DEPDC5: variants seen among roughly 807,000 people sequenced by gnomAD.
The protein encoded by DEPDC5 is DEP domain containing 5, GATOR1 subcomplex subunit.
In DEPDC5, 73 loss-of-function variants were observed where a neutral mutation model predicts 217.3. The observed-to-expected ratio is 0.34, with a 90% CI of 0.28 to 0.41. The LOEUF is 0.41. Among genes scored for constraint, DEPDC5 ranks in the 10% least tolerant of loss-of-function variants. The pLI is 1.00. For synonymous variants in DEPDC5, 733 were observed against 756.7 expected, an observed-to-expected ratio of 0.97 and a Z score of 0.51; for missense variants, 1,675 against 2,070.1, an observed-to-expected ratio of 0.81 and a Z score of 3.70.
chr22:31,861,073 C>CT (rs2092491290), intron 32 of DEPDC5, among the ~76,000 whole-genome samples: 1 of 151,912 alleles, frequency 6.6e-6, no homozygotes, highest in Non-Finnish European at 1.5e-5. Flanking sequence ...AACCTGGGTG[C>CT]TTTCTCCCAC....
At chr22:31,886,894 C>A (rs757865181) in intron 38 of DEPDC5, among the ~76,000 whole-genome samples, 7 of 149,078 alleles carry the variant, frequency 4.7e-5, no homozygotes, top group African/African-American at 7.4e-5. Context: ...CATGGTGAAA[C>A]CCTATCTCTA....
chr22:31,886,093 C>G (rs1312988903), intron 38 of DEPDC5, among the ~76,000 whole-genome samples: 2 of 152,040 alleles, frequency 1.3e-5, no homozygotes, highest in Non-Finnish European at 2.9e-5. Context: ...TTACTCCTAG[C>G]TCACTACAAC....
intron 8 of DEPDC5, among the ~76,000 whole-genome samples, chr22:31,781,226 C>CAA (rs1255012724): frequency 8.0e-6 from 1 of 125,374 alleles, no homozygotes; most frequent in Non-Finnish European, 1.7e-5. Flanking sequence ...CAAAAACAAA[C>CAA]AAACAAACAA....
At chr22:31,883,565 A>G (rs1483217037) in intron 38 of DEPDC5, among the ~76,000 whole-genome samples, 3 of 152,188 alleles carry the variant, frequency 2.0e-5, no homozygotes, top group African/African-American at 7.2e-5. Flanking sequence ...ACAGAGCAGA[A>G]AATCTTCATT....
At chr22:31,845,366 C>A in intron 30 of DEPDC5, 129 bp downstream of exon 30, 8 of 1,245,520 alleles carry the variant, frequency 6.4e-6, no homozygotes, top group Non-Finnish European at 9.0e-6. Flanking sequence ...ACCTTAAATC[C>A]AAAACAGTGT....
In DEPDC5 at chr22:31,788,539, A is replaced by T. The variant is rs553709989; in HGVS notation, c.625-3494A>T. ...GTGATCTTCCCACCTTGGCCTCCCA[A>T]TGTGCTGAGATTACAGACGTGAGCT... On this transcript the variant is annotated intron_variant, in intron 10 of 42. Transcript: ENST00000651528. Among the ~76,000 whole-genome samples, 8 of 151,684 alleles carry T rather than the reference A, an allele frequency of 5.3e-5. No homozygotes were observed. The East Asian group carries it at 1.6e-3, about 29-fold the overall frequency.
intron 31 of DEPDC5, among the ~76,000 whole-genome samples, chr22:31,856,524 G>A (rs2092309639): frequency 6.6e-6 from 1 of 152,120 alleles, no homozygotes. Flanking sequence ...ATAAAGTGTA[G>A]TTAATTTTAG....
At chr22:31,759,676 C>CCT (rs1880828975) in intron 3 of DEPDC5, among the ~76,000 whole-genome samples, 1 of 94,964 alleles carries the variant, frequency 1.1e-5, no homozygotes. Flanking sequence ...CGCGCCCAGC[C>CCT]TTTTTTTTTT....
Position 31,754,888 on chromosome 22 carries a change from A to C in DEPDC5, c.-34A>C, listed in dbSNP as rs765660840. 3 of 1,613,528 alleles carry C rather than the reference A, an allele frequency of 1.9e-6. No individual in the cohort carries two copies. The highest frequency in any genetic ancestry group is 2.5e-6 in the Non-Finnish European group (3 of 1,179,682). On this transcript the variant is annotated 5_prime_UTR_variant, in exon 2 of 43. Transcript: ENST00000651528. ...GAGGCAAGATGACTTCTCTGCCCCA[A>C]GCTTGGAACAGCTAAAGGGAAAAAC...
intron 40 of DEPDC5, among the ~76,000 whole-genome samples, chr22:31,898,525 A>G (rs2093592918): frequency 6.6e-6 from 1 of 152,216 alleles, no homozygotes; most frequent in Non-Finnish European, 1.5e-5. Context: ...AGAACTGTGA[A>G]GGAAACAACA....
intron 22 of DEPDC5, among the ~76,000 whole-genome samples, chr22:31,820,977 C>T (rs1341228035): frequency 3.3e-5 from 5 of 152,216 alleles, no homozygotes; most frequent in Admixed American, 6.5e-5. Flanking sequence ...TTCCTTCAAT[C>T]GCTGTTAACT....
intron 38 of DEPDC5, chr22:31,891,426 A>G: frequency 3.9e-6 from 1 of 259,722 alleles, no homozygotes; most frequent in Non-Finnish European, 7.5e-6. Flanking sequence ...CTGCTCTCAT[A>G]TTCATCTTGC....
chr22:31,837,184 T>C, intron 26 of DEPDC5, 29 bp downstream of exon 26: 1 of 1,612,814 alleles, frequency 6.2e-7, no homozygotes, highest in Non-Finnish European at 8.5e-7. Flanking sequence ...GGCACTTGGC[T>C]TGGTTGGTGA....
At position 31,804,856 on chromosome 22, in the gene DEPDC5, T is replaced by C; in HGVS notation, c.1158T>C (p.Ser386=). The C allele has an allele frequency of 6.2e-7, 1 of 1,613,988 alleles. No individual in the cohort carries two copies. The highest frequency in any genetic ancestry group is 8.5e-7 in the Non-Finnish European group (1 of 1,179,882). ...TCTCCTTGCAGCTCCATAATCGGAG[T>C]GCTCCCCGTGATTCTCGTCTGGGCG... ...AVPLFKLHNR[S]APRDSRLGDD... is the part of the protein sequence containing the mutation. The change falls in exon 17 of 43, where the codon AGT becomes AGC. Residue 386 remains serine (S), a synonymous_variant. Coordinates refer to ENST00000651528, the MANE Select transcript of DEPDC5 (RefSeq NM_001242896.3).
Position 31,833,997 on chromosome 22 carries a change from G to C in DEPDC5, c.2170+17G>C, listed in dbSNP as rs1397263092. 6.2e-7 allele frequency: 1 copy of C among 1,612,974 alleles called. No homozygotes were observed. On this transcript the variant is annotated intron_variant, in intron 25 of 42. Coordinates refer to ENST00000651528, the MANE Select transcript of DEPDC5 (RefSeq NM_001242896.3). Reference sequence around the variant, plus strand: ...CAGACCCAAGTAAGAGGGGGCAGCTGACTGGGGAAAGGGGTAGACAGGGAG... The same window carrying C: ...CAGACCCAAGTAAGAGGGGGCAGCTCACTGGGGAAAGGGGTAGACAGGGAG...
rs2084059773 is a variant in DEPDC5, at chr22:31,778,080, T to C, written c.414-19T>C. The C allele has an allele frequency of 6.2e-7, 1 of 1,613,494 alleles. No homozygotes were observed. Among genetic ancestry groups the C allele is most frequent in the African/African-American group, 1.3e-5 (1 of 74,922 alleles). ...GTTTCATGTAAGACTTGTAATAACT[T>C]GTGTGTGTATTCTTTCAGAGCACAG... On this transcript the variant is annotated intron_variant, in intron 7 of 42. Transcript: ENST00000651528.
At chr22:31,841,180 TGCTGGGGTTGG>T (rs2091369620) in intron 27 of DEPDC5, among the ~76,000 whole-genome samples, 1 of 152,238 alleles carries the variant, frequency 6.6e-6, no homozygotes, top group Admixed American at 6.5e-5. Context: ...CAAGTGAAAG[TGCTGGGGTTGG>T]ACCTGGGGTC....
At chr22:31,883,878 C>A (rs1253177817) in intron 38 of DEPDC5, among the ~76,000 whole-genome samples, 2 of 152,186 alleles carry the variant, frequency 1.3e-5, no homozygotes, top group Non-Finnish European at 2.9e-5. Context: ...TGCTACAGAA[C>A]CACAACTCTC....
At chr22:31,901,206 G>T (rs1175214426) in intron 40 of DEPDC5, among the ~76,000 whole-genome samples, 1 of 149,530 alleles carries the variant, frequency 6.7e-6, no homozygotes, top group Non-Finnish European at 1.5e-5. Context: ...TCGCACCACT[G>T]CATTCCAGCC....
Sources: allele counts gnomAD v4.1 joint callset (sites outside exome capture counted in the v4.1 genomes callset), GRCh38; gene constraint gnomAD v4.1.1; transcripts MANE v1.5; gene names NCBI Gene and HGNC (gene_info 2026-07-23, HGNC 2026-07-21).